The following SLC8A1 variants were observed in gnomAD, a reference collection of about 807,000 sequenced individuals.
SLC8A1 encodes sodium/calcium exchanger 1.
Under a neutral mutation model 68.3 loss-of-function variants are expected in SLC8A1, and 18 were observed. The observed-to-expected ratio is 0.26, with a 90% CI of 0.18 to 0.39. SLC8A1 has a LOEUF of 0.39. SLC8A1 is among the 10% of genes least tolerant of loss of function. The probability of loss-of-function intolerance (pLI) is 1.00; values close to 1 mark genes in which losing one functional copy is unlikely to be tolerated. For missense variants in SLC8A1, 985 were observed against 1,156.7 expected, an observed-to-expected ratio of 0.85 and a Z score of 2.15; for synonymous variants, 475 against 415.5, an observed-to-expected ratio of 1.14 and a Z score of -1.74.
chr2:40,483,158 T>C (rs889597216), intron 1 of SLC8A1, among the ~76,000 whole-genome samples: 8 of 151,592 alleles, frequency 5.3e-5, no homozygotes, highest in Non-Finnish European at 1.2e-4. Flanking sequence ...TAAATAAAAA[T>C]ATACAATAAT....
At chr2:40,153,073 A>C (rs1032951835) in intron 6 of SLC8A1, among the ~76,000 whole-genome samples, 1 of 152,222 alleles carries the variant, frequency 6.6e-6, no homozygotes, top group Non-Finnish European at 1.5e-5. Flanking sequence ...AATGTAATGA[A>C]CTAGCTTACA....
chr2:40,122,594 C>G (rs935021657), intron 7 of SLC8A1, among the ~76,000 whole-genome samples: 1 of 152,110 alleles, frequency 6.6e-6, no homozygotes, highest in Non-Finnish European at 1.5e-5. Flanking sequence ...ACTTGCTAGC[C>G]CCACCTTGAG....
exon 8 of SLC8A1, chr2:40,109,319 C>G (rs557751899): frequency 2.0e-5 from 3 of 152,204 alleles, no homozygotes; most frequent in African/African-American, 7.2e-5. Flanking sequence ...TTTGTAGAAA[C>G]CCTCATGAGC....
intron 1 of SLC8A1, among the ~76,000 whole-genome samples, chr2:40,471,180 C>A (rs1703967621): frequency 6.6e-6 from 1 of 152,144 alleles, no homozygotes; most frequent in South Asian, 2.1e-4. Flanking sequence ...TTTAGAACCA[C>A]CCTCTGACAT....
At chr2:40,310,069 T>A (rs1253889204) in intron 2 of SLC8A1, among the ~76,000 whole-genome samples, 1 of 152,230 alleles carries the variant, frequency 6.6e-6, no homozygotes, top group Non-Finnish European at 1.5e-5. Context: ...ATGTCACCTT[T>A]TGTGTTTGGC....
At chr2:40,280,980 C>A (rs1173047239) in intron 2 of SLC8A1, among the ~76,000 whole-genome samples, 1 of 152,204 alleles carries the variant, frequency 6.6e-6, no homozygotes, top group Non-Finnish European at 1.5e-5. Context: ...TATTGCTTAT[C>A]TTTCCTGGTG....
At chr2:40,283,740 T>C (rs2067849804) in intron 2 of SLC8A1, among the ~76,000 whole-genome samples, 1 of 152,192 alleles carries the variant, frequency 6.6e-6, no homozygotes, top group South Asian at 2.1e-4. Context: ...ACTCATTCTC[T>C]AGAAGAATCT....
chr2:40,201,852 T>C (rs761850313), intron 2 of SLC8A1, among the ~76,000 whole-genome samples: 2 of 151,994 alleles, frequency 1.3e-5, no homozygotes, highest in African/African-American at 2.4e-5. Flanking sequence ...CAGGAGGTCA[T>C]AACACAAACT....
chr2:40,350,445 C>T (rs373742618), intron 2 of SLC8A1, among the ~76,000 whole-genome samples: 23 of 151,970 alleles, frequency 1.5e-4, no homozygotes, highest in Admixed American at 2.0e-4. Flanking sequence ...CGTGCCACTG[C>T]GGTCCAGCCT....
At chr2:40,343,260 C>T (rs1668266212) in intron 2 of SLC8A1, among the ~76,000 whole-genome samples, 1 of 152,020 alleles carries the variant, frequency 6.6e-6, no homozygotes, top group Non-Finnish European at 1.5e-5. Context: ...CTTATTTGGC[C>T]ATAGGATAAC....
At chr2:40,227,792 C>T (rs955068067) in intron 2 of SLC8A1, among the ~76,000 whole-genome samples, 1 of 151,994 alleles carries the variant, frequency 6.6e-6, no homozygotes, top group South Asian at 2.1e-4. Context: ...ATGCCCAGGA[C>T]TAAGGCACTG....
At chr2:40,297,924 G>A (rs2070728560) in intron 2 of SLC8A1, among the ~76,000 whole-genome samples, 1 of 152,064 alleles carries the variant, frequency 6.6e-6, no homozygotes, top group Non-Finnish European at 1.5e-5. Flanking sequence ...GTGTCGCCCA[G>A]GCTGGAGTGC....
intron 2 of SLC8A1, among the ~76,000 whole-genome samples, chr2:40,248,284 C>G (rs2062179281): frequency 1.3e-5 from 2 of 152,032 alleles, no homozygotes; most frequent in East Asian, 1.9e-4. Flanking sequence ...TTATGTTTTC[C>G]CAACTCCAAA....
At chr2:40,419,026 C>G (rs1214387212) in intron 2 of SLC8A1, among the ~76,000 whole-genome samples, 1 of 152,198 alleles carries the variant, frequency 6.6e-6, no homozygotes, top group Non-Finnish European at 1.5e-5. Context: ...TTAGGGGTGA[C>G]TAAACATACA....
chr2:40,270,969 C>G (rs1355754473), intron 2 of SLC8A1, among the ~76,000 whole-genome samples: 4 of 152,180 alleles, frequency 2.6e-5, no homozygotes, highest in African/African-American at 9.7e-5. Context: ...CCACCATCGT[C>G]ATCCTGGCCT....
chr2:40,160,179 C>T (rs1430893295), intron 6 of SLC8A1, among the ~76,000 whole-genome samples: 1 of 152,140 alleles, frequency 6.6e-6, no homozygotes. Context: ...ATTTAATTCC[C>T]TCATGTTTCT....
chr2:40,398,386 T>C (rs1468697960), intron 2 of SLC8A1, among the ~76,000 whole-genome samples: 1 of 152,220 alleles, frequency 6.6e-6, no homozygotes, highest in African/African-American at 2.4e-5. Context: ...GTCTTGTTCC[T>C]GGTTATTGGT....
chr2:40,383,223 A>AT (rs1157872792), intron 2 of SLC8A1, among the ~76,000 whole-genome samples: 10 of 152,166 alleles, frequency 6.6e-5, no homozygotes, highest in African/African-American at 2.2e-4. Context: ...AATTTTTCAC[A>AT]TTTTTTTGAA....
intron 2 of SLC8A1, among the ~76,000 whole-genome samples, chr2:40,416,529 A>C (rs1158555121): frequency 6.6e-6 from 1 of 152,148 alleles, no homozygotes; most frequent in Non-Finnish European, 1.5e-5. Flanking sequence ...ATTTTTTAAA[A>C]AAATTTTTGC....
Sources: gnomAD v4.1 joint callset for allele counts (sites outside exome capture counted in the v4.1 genomes callset) on GRCh38, gnomAD v4.1.1 for gene constraint, MANE v1.5 for transcripts, NCBI Gene and HGNC (gene_info 2026-07-23, HGNC 2026-07-21) for gene names.